Variants in ATXN7L3 observed in about 807,000 individuals in gnomAD.
ATXN7L3 encodes the protein ataxin-7-like protein 3.
ATXN7L3 carries 6 observed loss-of-function variants against 50.0 expected under a neutral mutation model. The observed-to-expected ratio is 0.12, with a 90% confidence interval of 0.07 to 0.24. ATXN7L3 has a LOEUF of 0.24. ATXN7L3 is among the 10% of genes least tolerant of loss of function. The pLI is 1.00. For synonymous variants in ATXN7L3, 198 were observed against 165.8 expected (o/e 1.19, Z -1.49); for missense variants, 322 against 451.3 (o/e 0.71, Z 2.60).
intron 8 of ATXN7L3, 103 bp downstream of exon 8, chr17:44,195,697 T>C (rs918803665): frequency 7.5e-7 from 1 of 1,340,642 alleles, no homozygotes; most frequent in East Asian, 2.3e-5. Flanking sequence ...AAATAGCTCA[T>C]CAGTGCCTCT....
chr17:44,196,825 T>A, intron 5 of ATXN7L3, 104 bp downstream of exon 5: 4 of 552,460 alleles, frequency 7.2e-6, no homozygotes, highest in Non-Finnish European at 9.8e-6. Context: ...GTAACTACAC[T>A]CTCTCTTCAT....
In ATXN7L3 at chr17:44,195,558, A is replaced by C. The variant is rs552226841; in HGVS notation, c.553-71T>G. The C allele has an allele frequency of 8.8e-6, 13 of 1,478,760 alleles. No homozygotes were observed. The South Asian group carries it at 1.1e-4, about 13-fold the overall frequency. The allele number at this position is 1,478,760 out of a possible 1,614,324, so 91.6% of individuals were successfully genotyped here. On this transcript the variant is annotated intron_variant, in intron 8 of 12. Transcript: ENST00000587097. ...GAGAAGGACAGGGGTGGAAGTGAGA[A>C]TCAGTCCCTCTGGTCCCTTTCTAAG... is the stretch of plus-strand genomic sequence containing the variant.
intron 10 of ATXN7L3, 104 bp from the exon 11 acceptor site, chr17:44,194,943 G>A: frequency 1.4e-6 from 2 of 1,479,416 alleles, no homozygotes; most frequent in Non-Finnish European, 1.9e-6. Context: ...GGTGAATGCA[G>A]ATTCATCCCC....
At chr17:44,196,517 T>C (rs1173891112) in intron 5 of ATXN7L3, 99 bp from the exon 6 acceptor site, 1 of 1,497,086 alleles carries the variant, frequency 6.7e-7, no homozygotes, top group East Asian at 2.3e-5. Flanking sequence ...CGGTGGCTCA[T>C]GCCTGTAATC....
At position 44,194,784 on chromosome 17, in the gene ATXN7L3, A is replaced by G; in HGVS notation, c.721T>C (p.Phe241Leu). ...DEQRRTVRIY[F>L]LGPSAVLPEV... ...GCCACTTACGCCGAGGGCCCGAGAA[A>G]ATAAATCCGTACGGTTCGCCTCTGC... Residue 241 changes from phenylalanine to leucine, a missense_variant, in exon 11 of 13, where the codon TTT (phenylalanine) becomes CTT (leucine). Around this residue, in one of 5 missense-constraint regions of ATXN7L3, gnomAD observed 24 missense variants for 52.6 expected, o/e 0.46. Transcript: ENST00000587097. The G allele has an allele frequency of 6.2e-7, 1 of 1,614,132 alleles. No homozygotes were observed. The highest frequency in any genetic ancestry group is 8.5e-7 in the Non-Finnish European group (1 of 1,180,004).
chr17:44,195,097 C>A lies in ATXN7L3; in HGVS notation c.665G>T (p.Arg222Met), dbSNP rs1156674920. The A allele has an allele frequency of 6.2e-7, 1 of 1,613,964 alleles. No individual in the cohort carries two copies. Among genetic ancestry groups the A allele is most frequent in the Non-Finnish European group, 8.5e-7 (1 of 1,179,956 alleles). ...CCCCCTTTCTAGGTTCTGTGCTCAC[C>A]TTGTGCACATCTTCTTGGTGTGTTC... Reference protein sequence around the residue: ...ISEHTKKMCTRSLRCPQHTDE... With the variant: ...ISEHTKKMCTMSLRCPQHTDE... The change falls in exon 10 of 13, where the codon AGG becomes ATG. Residue 222 changes from arginine (R) to methionine (M), a missense_variant and splice_region_variant. By Grantham distance (91) the Arg-to-Met change is moderately conservative. Around this residue, in one of 5 missense-constraint regions of ATXN7L3, gnomAD observed 24 missense variants for 52.6 expected, o/e 0.46. Transcript: ENST00000587097.
chr17:44,198,159 G>T (rs971259401), intron 1 of ATXN7L3, 29 bp from the exon 2 acceptor site: 42 of 1,335,638 alleles, frequency 3.1e-5, no homozygotes, highest in African/African-American at 5.8e-5. Context: ...GGGTGTTGTT[G>T]TGAGTCCAAG....
In ATXN7L3 at chr17:44,192,108, C is replaced by G. The variant is rs1278554318; in HGVS notation, c.*2155G>C. 6.6e-6 allele frequency: 1 copy of G among 152,532 alleles called. No individual in the cohort carries two copies. The highest frequency in any genetic ancestry group is 1.5e-5 in the Non-Finnish European group (1 of 68,106). The allele number at this position is 152,532 out of a possible 1,614,324, so 9.4% of individuals were successfully genotyped here. ...ACACAGGATACAGGGTGGACGACAC[C>G]TAGCCGGGGTGGGAAGGATGGGAAT... On this transcript the variant is annotated 3_prime_UTR_variant, in exon 13 of 13. Transcript: ENST00000587097.
chr17:44,194,865 G>A (rs756363472), intron 10 of ATXN7L3, 26 bp from the exon 11 acceptor site: 29 of 1,612,928 alleles, frequency 1.8e-5, no homozygotes, highest in Middle Eastern at 1.7e-4. Context: ...GGCAGGGAGG[G>A]TTCTGAGGAA....
chr17:44,199,432 C>A (rs2056062056), intron 1 of ATXN7L3, 64 bp downstream of exon 1: 1 of 117,906 alleles, frequency 8.5e-6, no homozygotes, highest in Non-Finnish European at 1.8e-5. Flanking sequence ...CCGCCTTGGG[C>A]CCCGCCCCCC....
intron 5 of ATXN7L3, among the ~76,000 whole-genome samples, chr17:44,196,642 G>A (rs1025186097): frequency 1.1e-4 from 16 of 151,912 alleles, no homozygotes; most frequent in Non-Finnish European, 2.1e-4. Flanking sequence ...GCTGGGCATG[G>A]TAGCACGCGA....
In ATXN7L3 at chr17:44,193,823, G is replaced by A. The variant is rs77324959; in HGVS notation, c.*440C>T. 8,474 of 185,644 alleles carry A rather than the reference G, an allele frequency of 0.046. 283 individuals carry two copies. Among genetic ancestry groups the A allele is most frequent in the South Asian group, 0.075 (750 of 9,934 alleles). The allele number at this position is 185,644 out of a possible 1,614,324, so 11.5% of individuals were successfully genotyped here. A position where few individuals can be genotyped will look rare whatever the true frequency, so the allele number is the denominator to read the frequency against. ...AAGCACCGGACCCATTCACATTGCT[G>A]AGGGCGGCCGAGGCAGGCCCCCTCC... is the stretch of plus-strand genomic sequence containing the variant. On this transcript the variant is annotated 3_prime_UTR_variant, in exon 13 of 13. Transcript: ENST00000587097.
Position 44,196,382 on chromosome 17 carries a change from G to A in ATXN7L3, c.477+14C>T, listed in dbSNP as rs925044760. 2 of 1,613,810 alleles carry A rather than the reference G, an allele frequency of 1.2e-6. No individual in the cohort carries two copies. Among genetic ancestry groups the A allele is most frequent in the Non-Finnish European group, 1.7e-6 (2 of 1,179,978 alleles). ...TTTACCCATTATTTCCCCAATGCCT[G>A]GCCCGGCTCTCACCTTGTCTGACTT... On this transcript the variant is annotated intron_variant, in intron 6 of 12. Transcript: ENST00000587097.
In ATXN7L3 at chr17:44,196,388, G is replaced by A. The variant is rs2055892200; in HGVS notation, c.477+8C>T. 2 of 1,613,822 alleles carry A rather than the reference G, an allele frequency of 1.2e-6. No individual in the cohort carries two copies. Among genetic ancestry groups the A allele is most frequent in the Admixed American group, 1.7e-5 (1 of 59,972 alleles). On this transcript the variant is annotated splice_region_variant and intron_variant, in intron 6 of 12. Coordinates refer to ENST00000587097, the MANE Select transcript of ATXN7L3 (RefSeq NM_001382309.1). Reference sequence around the variant, plus strand: ...CATTATTTCCCCAATGCCTGGCCCGGCTCTCACCTTGTCTGACTTTCTCTT... The same window carrying A: ...CATTATTTCCCCAATGCCTGGCCCGACTCTCACCTTGTCTGACTTTCTCTT...
intron 2 of ATXN7L3, 43 bp from the exon 3 acceptor site, chr17:44,197,773 C>A: frequency 6.2e-7 from 1 of 1,611,930 alleles, no homozygotes; most frequent in Non-Finnish European, 8.5e-7. Context: ...AGAGTCACAG[C>A]CCCCTGGACT....
chr17:44,197,841 A>G (rs938073230), intron 2 of ATXN7L3, 111 bp from the exon 3 acceptor site: 7 of 1,554,712 alleles, frequency 4.5e-6, no homozygotes, highest in Non-Finnish European at 5.3e-6. Context: ...TTTCTTTGCC[A>G]TTTTCCCCAT....
chr17:44,198,147 G>A lies in ATXN7L3; in HGVS notation c.-60-17C>T. On this transcript the variant is annotated splice_polypyrimidine_tract_variant and intron_variant, in intron 1 of 12. Coordinates refer to ENST00000587097, the MANE Select transcript of ATXN7L3 (RefSeq NM_001382309.1). ...GCAACACGGCTGCACACACGGGGGT[G>A]GGGGTGTTGTTGTGAGTCCAAGGCA... 1 of 1,467,946 alleles carries A rather than the reference G, an allele frequency of 6.8e-7. No homozygotes were observed. The highest frequency in any genetic ancestry group is 2.3e-5 in the East Asian group (1 of 44,092). The allele number at this position is 1,467,946 out of a possible 1,614,324, so 90.9% of individuals were successfully genotyped here. A position where few individuals can be genotyped will look rare whatever the true frequency, so the allele number is the denominator to read the frequency against.
rs922579426 is a variant in ATXN7L3 at position 44,195,081 on chromosome 17, T to C, written c.665+16A>G. 35 of 1,613,886 alleles carry C rather than the reference T, an allele frequency of 2.2e-5. No homozygotes were observed. Among genetic ancestry groups the C allele is most frequent in the East Asian group, 1.8e-4 (8 of 44,886 alleles). On this transcript the variant is annotated intron_variant, in intron 10 of 12. Coordinates refer to ENST00000587097, the MANE Select transcript of ATXN7L3 (RefSeq NM_001382309.1). Reference sequence around the variant, plus strand: ...TGCAGGAAGCGCCTGGCCCCCTTTCTAGGTTCTGTGCTCACCTTGTGCACA... The same window carrying C: ...TGCAGGAAGCGCCTGGCCCCCTTTCCAGGTTCTGTGCTCACCTTGTGCACA...
chr17:44,194,700 G>C, intron 11 of ATXN7L3, 26 bp from the exon 12 acceptor site: 2 of 1,613,408 alleles, frequency 1.2e-6, no homozygotes, highest in Non-Finnish European at 1.7e-6. Context: ...GCCAAAGAAG[G>C]GCTTTAGAGA....
Sources: allele counts gnomAD v4.1 joint callset (sites outside exome capture counted in the v4.1 genomes callset), GRCh38; gene constraint gnomAD v4.1.1; regional missense constraint gnomAD v4.1.1; transcripts MANE v1.5; gene names NCBI Gene and HGNC (gene_info 2026-07-23, HGNC 2026-07-21).